SLC26A5: variants seen among roughly 807,000 people sequenced by gnomAD.
SLC26A5 encodes the protein solute carrier family 26 member 5, also known as prestin.
In SLC26A5, 51 loss-of-function variants were observed where a neutral mutation model predicts 81.0. The observed-to-expected ratio is 0.63, with a 90% confidence interval of 0.50 to 0.80. The LOEUF (loss-of-function observed/expected upper bound fraction) is 0.80. SLC26A5 is among the 30% of genes least tolerant of loss of function. The probability of loss-of-function intolerance (pLI) is 0.00; values close to 1 mark genes in which losing one functional copy is unlikely to be tolerated. For synonymous variants in SLC26A5, 325 were observed against 332.8 expected (o/e 0.98, Z 0.25); for missense variants, 771 against 905.8 (o/e 0.85, Z 1.91).
At position 103,374,509 on chromosome 7, in the gene SLC26A5, C is replaced by A. The variant is rs140924882; in HGVS notation, c.2125G>T (p.Ala709Ser). The A allele has an allele frequency of 5.6e-6, 9 of 1,613,894 alleles. No individual in the cohort carries two copies. The highest frequency in any genetic ancestry group is 1.3e-5 in the African/African-American group (1 of 74,914). ...WELLFHSIHD[A>S]VLGSQLREAL... Reference sequence around the variant, plus strand: ...TCTCTAAGTTGGCTGCCTAAAACTGCATCATGAATGCTGTGGAACAGCAGC... The same window carrying A: ...TCTCTAAGTTGGCTGCCTAAAACTGAATCATGAATGCTGTGGAACAGCAGC... The change falls in exon 20 of 20, where the codon GCA (alanine) becomes TCA (serine). Residue 709 changes from alanine to serine, a missense_variant. Ala to Ser is a moderately conservative substitution (Grantham distance 99). Transcript: ENST00000306312.
chr7:103,362,209 G>C, intron 19 of SLC26A5: 1 of 1,511,752 alleles, frequency 6.6e-7, no homozygotes, highest in Non-Finnish European at 8.8e-7. Context: ...GGATGATCTA[G>C]TAATGTACTA....
chr7:103,415,747 T>C lies in SLC26A5; in HGVS notation c.293-2635A>G, dbSNP rs533282028. Among the ~76,000 whole-genome samples, 9 of 152,372 alleles carry C rather than the reference T, an allele frequency of 5.9e-5. No homozygotes were observed. In the East Asian group the frequency reaches 1.2e-3, roughly 20 times the overall value. On this transcript the variant is annotated intron_variant, in intron 4 of 19. Coordinates refer to ENST00000306312, the MANE Select transcript of SLC26A5 (RefSeq NM_198999.3). ...TAGTCTGAGATCCTCTATTTATCCC[T>C]GGTATTCTATTTTACTATGGTGTGC...
chr7:103,422,649 TA>T (rs577823501), intron 2 of SLC26A5, among the ~76,000 whole-genome samples: 1 of 151,956 alleles, frequency 6.6e-6, no homozygotes, highest in African/African-American at 2.4e-5. Context: ...TTTTAGTTTG[TA>T]AAAAAAAGAA....
chr7:103,422,294 T>C (rs1254000329), intron 2 of SLC26A5, among the ~76,000 whole-genome samples: 1 of 152,196 alleles, frequency 6.6e-6, no homozygotes. Flanking sequence ...CTTATAACAG[T>C]GAAAAGTACT....
chr7:103,402,774 A>C (rs1419551246), intron 8 of SLC26A5, among the ~76,000 whole-genome samples: 1 of 152,094 alleles, frequency 6.6e-6, no homozygotes, highest in Non-Finnish European at 1.5e-5. Flanking sequence ...GATTCTTCTT[A>C]TTAGTCTGGC....
chr7:103,394,423 C>T (rs1822922367), intron 9 of SLC26A5, among the ~76,000 whole-genome samples: 1 of 152,168 alleles, frequency 6.6e-6, no homozygotes, highest in South Asian at 2.1e-4. Context: ...CTCTTTGCTG[C>T]ACAGGCATGA....
At chr7:103,371,798 C>A (rs1362662761), downstream of SLC26A5, among the ~76,000 whole-genome samples, 1 of 150,568 alleles carries the variant, frequency 6.6e-6, no homozygotes, top group Non-Finnish European at 1.5e-5. Context: ...TGGGTTCATT[C>A]CATTCTCCTG....
At chr7:103,407,125 G>C (rs1341896838) in intron 8 of SLC26A5, among the ~76,000 whole-genome samples, 1 of 152,180 alleles carries the variant, frequency 6.6e-6, no homozygotes, top group African/African-American at 2.4e-5. Context: ...TGAACACTGT[G>C]TTCCTTTCAA....
rs1822551625 is a variant in SLC26A5 at position 103,390,430 on chromosome 7, T to C, written c.1310A>G (p.Gln437Arg). The change falls in exon 12 of 20, where the codon CAG becomes CGG. Residue 437 changes from glutamine to arginine, a missense_variant and splice_region_variant. Physicochemically the swap from Gln to Arg is conservative, Grantham distance 43. Coordinates refer to ENST00000306312, the MANE Select transcript of SLC26A5 (RefSeq NM_198999.3). ...CACCCAAGTCCACATTACACACACC[T>C]GGGGCAATGATTCAAAGAGGAATCC... ...ATGFLFESLP[Q>R]AVLSAIVIVN... is the part of the protein sequence containing the mutation. 2.5e-6 allele frequency: 4 copies of C among 1,613,544 alleles called. No individual in the cohort carries two copies. The East Asian group carries it at 6.7e-5, about 27-fold the overall frequency.
chr7:103,368,678 A>AT (rs1820851978), intron 19 of SLC26A5: 1 of 152,192 alleles, frequency 6.6e-6, no homozygotes, highest in South Asian at 2.1e-4. Context: ...AGAATTAGTG[A>AT]TTTTAATGAG....
downstream of SLC26A5, among the ~76,000 whole-genome samples, chr7:103,371,356 GCT>G (rs1212693292): frequency 2.1e-5 from 3 of 145,158 alleles, no homozygotes; most frequent in Non-Finnish European, 4.5e-5. Flanking sequence ...ACGGAGTCTC[GCT>G]CTGTCGCCCA....
chr7:103,442,140 T>C (rs1206456527), intron 2 of SLC26A5, among the ~76,000 whole-genome samples: 1 of 118,994 alleles, frequency 8.4e-6, no homozygotes, highest in Non-Finnish European at 1.6e-5. Context: ...TCATCACTCT[T>C]TTTTTTTTAA....
At chr7:103,366,236 T>C (rs1820712074) in intron 19 of SLC26A5, 2 of 1,317,184 alleles carry the variant, frequency 1.5e-6, no homozygotes, top group South Asian at 2.5e-5. Flanking sequence ...TGTCGTGATA[T>C]GTTAATCTTG....
At chr7:103,436,047 AT>A (rs1294064983) in intron 2 of SLC26A5, among the ~76,000 whole-genome samples, 2 of 152,194 alleles carry the variant, frequency 1.3e-5, no homozygotes, top group African/African-American at 4.8e-5. Flanking sequence ...AGTATTTACC[AT>A]AACATGGTAA....
Position 103,411,494 on chromosome 7 carries a change from T to C in SLC26A5, c.496A>G (p.Asn166Asp). 1 of 1,614,234 alleles carries C rather than the reference T, an allele frequency of 6.2e-7. No homozygotes were observed. Among genetic ancestry groups the C allele is most frequent in the Non-Finnish European group, 8.5e-7 (1 of 1,180,034 alleles). Reference protein sequence around the residue: ...IVIPGGVNATNGTEARDALRV... With the variant: ...IVIPGGVNATDGTEARDALRV... ...AAGGCATCTCTGGCCTCTGTGCCAT[T>C]GGTTGCATTTACTCCTCCTGGAATG... Residue 166 changes from asparagine to aspartate, a missense_variant, in exon 6 of 20, where the codon AAT becomes GAT. Physicochemically the swap from Asn to Asp is conservative, Grantham distance 23. Transcript: ENST00000306312.
In SLC26A5 at chr7:103,420,755, A is replaced by C; in HGVS notation, c.275T>G (p.Val92Gly). ...GDLVSGISTG[V>G]LQLPQGLAFA... ...CTACTGACCTTGAGGAAGCTGAAGC[A>C]CCCCTGTGCTTATGCCTGAGACCAA... Residue 92 changes from valine (V) to glycine (G), a missense_variant, in exon 4 of 20, where the codon GTG (valine) becomes GGG (glycine). Physicochemically the swap from Val to Gly is moderately radical, Grantham distance 109. Coordinates refer to ENST00000306312, the MANE Select transcript of SLC26A5 (RefSeq NM_198999.3). 1 of 1,614,110 alleles carries C rather than the reference A, an allele frequency of 6.2e-7. No homozygotes were observed. Among genetic ancestry groups the C allele is most frequent in the South Asian group, 1.1e-5 (1 of 91,076 alleles).
At chr7:103,371,883 GA>G (rs1246400303), downstream of SLC26A5, among the ~76,000 whole-genome samples, 1 of 151,654 alleles carries the variant, frequency 6.6e-6, no homozygotes, top group Admixed American at 6.6e-5. Context: ...TTTAAATAGA[GA>G]CAGGGTTTCA....
intron 12 of SLC26A5, among the ~76,000 whole-genome samples, chr7:103,390,028 T>C (rs1449242170): frequency 6.6e-6 from 1 of 152,222 alleles, no homozygotes; most frequent in African/African-American, 2.4e-5. Flanking sequence ...TCTTTCTACA[T>C]TATGATCTTC....
At chr7:103,412,962 C>G (rs1419004462) in intron 5 of SLC26A5, 40 bp downstream of exon 5, 13 of 1,401,594 alleles carry the variant, frequency 9.3e-6, no homozygotes, top group Non-Finnish European at 1.3e-5. Flanking sequence ...GTTGGAAATA[C>G]ACAAGGAAAG....
Sources: allele counts gnomAD v4.1 joint callset (sites outside exome capture counted in the v4.1 genomes callset), GRCh38; gene constraint gnomAD v4.1.1; transcripts MANE v1.5; gene names NCBI Gene and HGNC (gene_info 2026-07-23, HGNC 2026-07-21).